Variants in NUSAP1 observed in about 807,000 individuals in gnomAD.
The protein encoded by NUSAP1 is nucleolar and spindle-associated protein 1.
NUSAP1 carries 32 observed loss-of-function variants against 52.8 expected under a neutral mutation model. The observed-to-expected ratio is 0.61, with a 90% confidence interval of 0.46 to 0.81. The LOEUF (loss-of-function observed/expected upper bound fraction) is 0.81, where lower values mean the gene tolerates loss of function less well. Ranked by LOEUF, NUSAP1 falls within the 40% of genes least tolerant of loss-of-function variation. The probability of loss-of-function intolerance (pLI) is 0.00; values close to 1 mark genes in which losing one functional copy is unlikely to be tolerated. For missense variants in NUSAP1, 499 were observed against 522.3 expected (o/e 0.96, Z 0.43); for synonymous variants, 195 against 183.1 (o/e 1.06, Z -0.52).
chr15:41,345,522 C>G (rs939492556), intron 2 of NUSAP1: 1 of 407,058 alleles, frequency 2.5e-6, no homozygotes, highest in Non-Finnish European at 4.7e-6. Flanking sequence ...TGCAATGACA[C>G]GATCTCGGCT....
At chr15:41,360,801 T>A (rs2049144202) in intron 6 of NUSAP1, among the ~76,000 whole-genome samples, 1 of 150,158 alleles carries the variant, frequency 6.7e-6, no homozygotes, top group Non-Finnish European at 1.5e-5. Flanking sequence ...ATCTTTTTTT[T>A]TTTTTTTTTT....
At chr15:41,373,333 A>T (rs2049784463) in intron 8 of NUSAP1, among the ~76,000 whole-genome samples, 1 of 151,742 alleles carries the variant, frequency 6.6e-6, no homozygotes, top group Admixed American at 6.6e-5. Context: ...CACTGAGCTG[A>T]GATCACATCA....
intron 6 of NUSAP1, among the ~76,000 whole-genome samples, chr15:41,360,605 G>A (rs777313133): frequency 6.6e-6 from 1 of 151,228 alleles, no homozygotes; most frequent in South Asian, 2.1e-4. Flanking sequence ...CATAAGCCAC[G>A]GCGCCCAGCC....
chr15:41,373,324 A>G (rs1346387883), intron 8 of NUSAP1, among the ~76,000 whole-genome samples: 1 of 151,890 alleles, frequency 6.6e-6, no homozygotes. Flanking sequence ...CAGAGGTTGC[A>G]CTGAGCTGAG....
intron 6 of NUSAP1, among the ~76,000 whole-genome samples, chr15:41,359,242 T>G (rs1384326469): frequency 2.0e-5 from 3 of 152,206 alleles, no homozygotes; most frequent in Admixed American, 6.6e-5. Flanking sequence ...AGTGCTGGGA[T>G]TACAGGTGTG....
At chr15:41,379,111 G>A (rs995284385) in intron 10 of NUSAP1, among the ~76,000 whole-genome samples, 3 of 151,306 alleles carry the variant, frequency 2.0e-5, no homozygotes, top group African/African-American at 7.3e-5. Flanking sequence ...CCGCCCCCGC[G>A]TGCAGCTAAT....
chr15:41,349,237 C>A lies in NUSAP1; in HGVS notation c.302C>A (p.Ser101Ter). ...AAGACTGTCCGTGTGGACCCTGACT[C>A]ACAGGTGAATGGAAATATACAAACT... ...RCKTVRVDPD[S>*]QQNHSEIKIS... The change falls in exon 3 of 11, where the codon TCA becomes TAA. Residue 101 changes from serine (S) to a stop codon, truncating the protein, a stop_gained. Coordinates refer to ENST00000559596, the MANE Select transcript of NUSAP1 (RefSeq NM_016359.5). LOFTEE classifies it high-confidence loss of function. The A allele has an allele frequency of 6.2e-7, 1 of 1,612,492 alleles. No individual in the cohort carries two copies. Among genetic ancestry groups the A allele is most frequent in the South Asian group, 1.1e-5 (1 of 90,956 alleles).
chr15:41,338,859 G>A (rs1201487956), intron 1 of NUSAP1, among the ~76,000 whole-genome samples: 2 of 152,002 alleles, frequency 1.3e-5, no homozygotes, highest in African/African-American at 4.8e-5. Context: ...CAACTACTCG[G>A]GAGGATGAGG....
intron 7 of NUSAP1, 72 bp downstream of exon 7, chr15:41,365,661 T>C (rs1221738949): frequency 1.8e-5 from 21 of 1,148,590 alleles, no homozygotes; most frequent in Non-Finnish European, 2.3e-5. Flanking sequence ...AAATTTTTAA[T>C]TGGCAAATAA....
intron 4 of NUSAP1, among the ~76,000 whole-genome samples, chr15:41,353,090 CTT>C (rs2048837182): frequency 6.6e-6 from 1 of 152,116 alleles, no homozygotes; most frequent in East Asian, 1.9e-4. Context: ...TGAAGTTACT[CTT>C]TTACCACTTG....
intron 2 of NUSAP1, chr15:41,345,687 A>T: frequency 4.0e-6 from 1 of 250,088 alleles, no homozygotes; most frequent in Non-Finnish European, 7.9e-6. Context: ...CAAACTCCCA[A>T]CCTCAGGTGA....
intron 6 of NUSAP1, among the ~76,000 whole-genome samples, chr15:41,359,066 G>A (rs945992471): frequency 2.6e-5 from 4 of 152,202 alleles, no homozygotes; most frequent in African/African-American, 9.6e-5. Context: ...GCAAGTTGAT[G>A]TTATTGGTAT....
intron 10 of NUSAP1, among the ~76,000 whole-genome samples, chr15:41,377,525 C>T (rs2049996230): frequency 6.6e-6 from 1 of 150,560 alleles, no homozygotes; most frequent in Non-Finnish European, 1.5e-5. Flanking sequence ...CGGTGAAACC[C>T]CGTCTCTACT....
intron 10 of NUSAP1, among the ~76,000 whole-genome samples, chr15:41,378,202 C>T (rs1324628652): frequency 6.6e-6 from 1 of 152,144 alleles, no homozygotes; most frequent in Admixed American, 6.5e-5. Context: ...GGGTATCTCT[C>T]CAGATACCAA....
chr15:41,335,396 A>G (rs2048081837), intron 1 of NUSAP1, among the ~76,000 whole-genome samples: 1 of 142,058 alleles, frequency 7.0e-6, no homozygotes, highest in African/African-American at 2.5e-5. Flanking sequence ...TATACTAAAT[A>G]TACTATATTA....
chr15:41,363,926 G>A (rs557463846), intron 6 of NUSAP1, among the ~76,000 whole-genome samples: 6 of 152,102 alleles, frequency 3.9e-5, no homozygotes, highest in African/African-American at 1.4e-4. Flanking sequence ...ACTTCAAAAA[G>A]CTATTGTTTG....
chr15:41,350,225 C>T (rs934795229), intron 3 of NUSAP1, among the ~76,000 whole-genome samples: 5 of 151,998 alleles, frequency 3.3e-5, no homozygotes, highest in East Asian at 3.9e-4. Context: ...AAAGACTGAG[C>T]GGGTTTTTAT....
At chr15:41,351,354 C>T (rs2048772120) in intron 4 of NUSAP1, among the ~76,000 whole-genome samples, 1 of 152,172 alleles carries the variant, frequency 6.6e-6, no homozygotes, top group South Asian at 2.1e-4. Context: ...TTCCTTGCCT[C>T]TGACTACTTT....
intron 8 of NUSAP1, among the ~76,000 whole-genome samples, chr15:41,373,223 G>A (rs528320288): frequency 2.0e-5 from 3 of 151,026 alleles, no homozygotes; most frequent in Non-Finnish European, 3.0e-5. Flanking sequence ...GCAAAACCTC[G>A]TCTCTACTAA....
Sources: gnomAD v4.1 joint callset for allele counts (sites outside exome capture counted in the v4.1 genomes callset) on GRCh38, gnomAD v4.1.1 for gene constraint, MANE v1.5 for transcripts, NCBI Gene and HGNC (gene_info 2026-07-23, HGNC 2026-07-21) for gene names.